PSD3: variants seen among roughly 807,000 people sequenced by gnomAD.
The protein encoded by PSD3 is pleckstrin and Sec7 domain containing 3.
A neutral mutation model predicts 105.5 loss-of-function variants in PSD3; 49 were observed. The ratio of observed to expected loss-of-function variants is 0.46; its 90% CI spans 0.37 to 0.59. The LOEUF is 0.59. Ranked by LOEUF, PSD3 falls within the 20% of genes least tolerant of loss-of-function variation. The pLI is 0.00. For synonymous variants in PSD3, 557 were observed against 457.8 expected, an observed-to-expected ratio of 1.22 and a Z score of -2.77; for missense variants, 1,561 against 1,263.8, an observed-to-expected ratio of 1.24 and a Z score of -3.57.
chr8:18,797,571 C>T (rs966495052), intron 8 of PSD3, among the ~76,000 whole-genome samples: 8 of 152,106 alleles, frequency 5.3e-5, no homozygotes, highest in African/African-American at 1.2e-4. Context: ...ATCAAGCATG[C>T]TGAGATATCT....
intron 4 of PSD3, among the ~76,000 whole-genome samples, chr8:18,814,153 T>A (rs1187272266): frequency 6.6e-6 from 1 of 152,206 alleles, no homozygotes; most frequent in Non-Finnish European, 1.5e-5. Flanking sequence ...ATTAGCAGAA[T>A]TCCTAAGAGC....
At chr8:18,623,797 C>T (rs1362904958) in intron 11 of PSD3, among the ~76,000 whole-genome samples, 2 of 152,086 alleles carry the variant, frequency 1.3e-5, no homozygotes, top group Non-Finnish European at 2.9e-5. Flanking sequence ...GCCTGTTATT[C>T]TCCTTTCCAG....
intron 8 of PSD3, among the ~76,000 whole-genome samples, chr8:18,797,738 A>C (rs963851965): frequency 1.3e-5 from 2 of 152,214 alleles, no homozygotes; most frequent in Non-Finnish European, 1.5e-5. Flanking sequence ...AAAAGCTCTA[A>C]GAGATCTGCA....
At chr8:18,672,034 C>T (rs1799815604) in intron 9 of PSD3, among the ~76,000 whole-genome samples, 1 of 152,120 alleles carries the variant, frequency 6.6e-6, no homozygotes, top group Admixed American at 6.5e-5. Flanking sequence ...CAGTGAAAAA[C>T]ATAACCATAA....
chr8:18,953,493 A>C (rs1476072678), intron 1 of PSD3, among the ~76,000 whole-genome samples: 1 of 152,242 alleles, frequency 6.6e-6, no homozygotes. Context: ...TCACGCCTGT[A>C]ATCCCAGCAC....
At chr8:18,818,363 T>G (rs1563308053) in intron 4 of PSD3, among the ~76,000 whole-genome samples, 1 of 152,100 alleles carries the variant, frequency 6.6e-6, no homozygotes, top group African/African-American at 2.4e-5. Flanking sequence ...ACTTTTTTTT[T>G]TTAGGGAGCT....
chr8:18,871,550 A>C, intron 3 of PSD3, 76 bp downstream of exon 3: 1 of 1,493,536 alleles, frequency 6.7e-7, no homozygotes, highest in Non-Finnish European at 9.0e-7. Context: ...TTGAGTTCTC[A>C]TATCAAGTAC....
chr8:18,953,809 ATT>A (rs1292579699), intron 1 of PSD3, among the ~76,000 whole-genome samples: 4 of 152,164 alleles, frequency 2.6e-5, no homozygotes, highest in Non-Finnish European at 5.9e-5. Context: ...CAGTGGAGCA[ATT>A]TTTTAACATG....
intron 10 of PSD3, among the ~76,000 whole-genome samples, chr8:18,641,881 A>C (rs1165196345): frequency 1.1e-5 from 1 of 88,366 alleles, no homozygotes; most frequent in Non-Finnish European, 2.7e-5. Context: ...GGATGAGTCT[A>C]AAATGGATCT....
chr8:18,767,788 CAAAT>C (rs1000862864), intron 8 of PSD3, among the ~76,000 whole-genome samples: 4 of 151,754 alleles, frequency 2.6e-5, no homozygotes, highest in Admixed American at 1.3e-4. Context: ...ACCAACCAAC[CAAAT>C]AAATAAATAT....
chr8:18,766,248 C>T (rs1585892553), intron 8 of PSD3, among the ~76,000 whole-genome samples: 1 of 152,180 alleles, frequency 6.6e-6, no homozygotes, highest in African/African-American at 2.4e-5. Context: ...GCATGAGAAT[C>T]ACTTGAACCC....
At chr8:18,837,732 A>G (rs1418333759) in intron 4 of PSD3, among the ~76,000 whole-genome samples, 1 of 152,190 alleles carries the variant, frequency 6.6e-6, no homozygotes, top group Non-Finnish European at 1.5e-5. Context: ...TGAGCCCAGG[A>G]GTTCCAAACC....
At chr8:18,926,830 C>G (rs1264949698) in intron 2 of PSD3, among the ~76,000 whole-genome samples, 2 of 152,126 alleles carry the variant, frequency 1.3e-5, no homozygotes, top group Non-Finnish European at 2.9e-5. Flanking sequence ...GATATGGCAT[C>G]AGATCCTACA....
At chr8:18,971,640 C>A (rs774613146) in intron 1 of PSD3, among the ~76,000 whole-genome samples, 2 of 152,086 alleles carry the variant, frequency 1.3e-5, no homozygotes, top group Non-Finnish European at 2.9e-5. Context: ...GGGGACCTGG[C>A]ACATAAAAAG....
chr8:18,855,636 G>C (rs959250574), intron 4 of PSD3, among the ~76,000 whole-genome samples: 4 of 152,146 alleles, frequency 2.6e-5, no homozygotes, highest in Non-Finnish European at 5.9e-5. Context: ...AAAGAACTCA[G>C]ACACAATGGC....
At chr8:18,575,723 C>T (rs942760899) in intron 12 of PSD3, among the ~76,000 whole-genome samples, 1 of 152,106 alleles carries the variant, frequency 6.6e-6, no homozygotes, top group Admixed American at 6.6e-5. Flanking sequence ...AAAAACAATG[C>T]CATTGTGTTC....
At chr8:18,648,202 G>C (rs936138111) in intron 10 of PSD3, among the ~76,000 whole-genome samples, 1 of 152,192 alleles carries the variant, frequency 6.6e-6, no homozygotes, top group Non-Finnish European at 1.5e-5. Context: ...AGTGTGGATG[G>C]CTCAGAAGAT....
rs1427900349 is a variant in PSD3, at chr8:18,622,855, T to C, written c.2410+9758A>G. On this transcript the variant is annotated intron_variant, in intron 11 of 15. Coordinates refer to ENST00000327040, the MANE Select transcript of PSD3 (RefSeq NM_015310.4). ...GCTCCCTCTTAGTTCTATCCAGTTT[T>C]ACCTCCCACCTTCTATCATCTGTAC... 2.0e-5 allele frequency among the ~76,000 whole-genome samples: 3 copies of C among 152,222 alleles called. No individual in the cohort carries two copies. In the East Asian group the frequency reaches 5.8e-4, roughly 29 times the overall value.
chr8:18,931,085 T>A (rs919562185), intron 2 of PSD3, among the ~76,000 whole-genome samples: 29 of 152,168 alleles, frequency 1.9e-4, no homozygotes, highest in Admixed American at 1.5e-3. Flanking sequence ...CATCCATATA[T>A]CTTCTTTGGT....
Sources: gnomAD v4.1 joint callset for allele counts (sites outside exome capture counted in the v4.1 genomes callset) on GRCh38, gnomAD v4.1.1 for gene constraint, MANE v1.5 for transcripts, NCBI Gene and HGNC (gene_info 2026-07-23, HGNC 2026-07-21) for gene names.